The following PIGA variants were observed in gnomAD, a reference collection of about 807,000 sequenced individuals.
PIGA encodes phosphatidylinositol N-acetylglucosaminyltransferase subunit A.
Under a neutral mutation model 17.1 loss-of-function variants are expected in PIGA, and 3 were observed. That is an observed-to-expected ratio of 0.18 (90% CI 0.08 to 0.45). PIGA has a LOEUF of 0.45. PIGA is among the 20% of genes least tolerant of loss of function. The pLI is 0.99. For missense variants in PIGA, 231 were observed against 374.1 expected, an observed-to-expected ratio of 0.62 and a Z score of 3.16; for synonymous variants, 126 against 135.1, an observed-to-expected ratio of 0.93 and a Z score of 0.47.
rs185641569 is a variant in PIGA, at chrX:15,332,325, C to T, written c.-62-333G>A. 1.7e-3 allele frequency among the ~76,000 whole-genome samples: 192 copies of T among 112,097 alleles called. 1 individual carries two copies. The highest frequency in any genetic ancestry group is 5.9e-3 in the African/African-American group (183 of 30,853). ...AAGTATATATACACACATACATACACACATTTATATATTTCCCCTTTACTC... is the reference window on the plus strand; with the variant it reads ...AAGTATATATACACACATACATACATACATTTATATATTTCCCCTTTACTC... On this transcript the variant is annotated intron_variant, in intron 1 of 5. Transcript: ENST00000333590.
At position 15,331,652 on chromosome X, in the gene PIGA, A is replaced by G; in HGVS notation, c.279T>C (p.Pro93=). ...TAGACTGGTTGTACATGACTTTCAG[A>G]GGCAAGTAATAGACTTTGAGGCCAC... ...LTSGLKVYYL[P]LKVMYNQSTA... The change falls in exon 2 of 6, where the codon CCT becomes CCC. Residue 93 remains proline, a synonymous_variant. Transcript: ENST00000333590. The G allele has an allele frequency of 8.3e-7, 1 of 1,211,696 alleles. No individual in the cohort carries two copies. The highest frequency in any genetic ancestry group is 1.1e-6 in the Non-Finnish European group (1 of 895,217).
chrX:15,321,867 TA>T (rs1432506268), intron 5 of PIGA, 95 bp from the exon 6 acceptor site: 2 of 827,878 alleles, frequency 2.4e-6, no homozygotes, highest in East Asian at 6.3e-5. Context: ...GAACATTTTA[TA>T]AACAAATACA....
At position 15,325,172 on chromosome X, in the gene PIGA, G is replaced by A. The variant is rs767474092; in HGVS notation, c.849-20C>T. On this transcript the variant is annotated intron_variant, in intron 3 of 5. Coordinates refer to ENST00000333590, the MANE Select transcript of PIGA (RefSeq NM_002641.4). ...CGCACCCTGATTTTTTAAATGAGAG[G>A]GGAAGAAAGGAGTGAAAACTCATGC... 45 of 1,150,729 alleles carry A rather than the reference G, an allele frequency of 3.9e-5. No homozygotes were observed. The South Asian group carries it at 8.6e-4, about 22-fold the overall frequency. The allele number at this position is 1,150,729 out of a possible 1,213,427, so 94.8% of individuals were successfully genotyped here. A position where few individuals can be genotyped will look rare whatever the true frequency, so the allele number is the denominator to read the frequency against.
Position 15,322,211 on chromosome X carries a change from A to AT in PIGA, c.1189-440dup, listed in dbSNP as rs752522903. Among the ~76,000 whole-genome samples the AT allele has an allele frequency of 1.3e-3, 150 of 111,528 alleles. 1 individual carries two copies. The highest frequency in any genetic ancestry group is 4.8e-3 in the African/African-American group (147 of 30,755). On this transcript the variant is annotated intron_variant, in intron 5 of 5. Transcript: ENST00000333590. Reference sequence around the variant, plus strand: ...TTGAAGATTCCTTGACTAAGCTGAGATGCTCTCACCGGCATCTGGCAGACA... The same window carrying AT: ...TTGAAGATTCCTTGACTAAGCTGAGATTGCTCTCACCGGCATCTGGCAGACA...
intron 5 of PIGA, among the ~76,000 whole-genome samples, chrX:15,322,025 G>C (rs1921834374): frequency 9.0e-6 from 1 of 111,700 alleles, no homozygotes; most frequent in Non-Finnish European, 1.9e-5. Flanking sequence ...GTGATACAAA[G>C]AATAAGCCAC....
In PIGA at chrX:15,321,653, G is replaced by C; in HGVS notation, c.1308C>G (p.Phe436Leu). The change falls in exon 6 of 6, where the codon TTC becomes TTG. Residue 436 changes from phenylalanine to leucine, a missense_variant. Transcript: ENST00000333590. ...TCCATCTCAAGAAAATGAGGAAGAGGAAGTTGAAAACTGCCAACAAAGCAA... is the reference window on the plus strand; with the variant it reads ...TCCATCTCAAGAAAATGAGGAAGAGCAAGTTGAAAACTGCCAACAAAGCAA... ...YIFALLAVFN[F>L]LFLIFLRWMT... is the part of the protein sequence containing the mutation. The C allele has an allele frequency of 1.7e-6, 2 of 1,210,635 alleles. No individual in the cohort carries two copies. The highest frequency in any genetic ancestry group is 1.1e-6 in the Non-Finnish European group (1 of 894,432).
intron 1 of PIGA, 27 bp downstream of exon 1, chrX:15,335,474 G>C (rs1366728498): frequency 1.0e-6 from 1 of 988,809 alleles, no homozygotes; most frequent in African/African-American, 2.0e-5. Flanking sequence ...CAGAGCGCTG[G>C]AGAGGGGCGG....
In PIGA at chrX:15,331,272, A is replaced by G. The variant is rs750365775; in HGVS notation, c.659T>C (p.Phe220Ser). 5.8e-6 allele frequency: 7 copies of G among 1,204,964 alleles called. No individual in the cohort carries two copies. The South Asian group carries it at 1.2e-4, about 21-fold the overall frequency. Residue 220 changes from phenylalanine to serine, a missense_variant, in exon 2 of 6, where the codon TTT becomes TCT. Physicochemically the swap from Phe to Ser is radical, Grantham distance 155. Coordinates refer to ENST00000333590, the MANE Select transcript of PIGA (RefSeq NM_002641.4). Reference protein sequence around the residue: ...VDPTDFTPDPFRRHDSITIVV... With the variant: ...VDPTDFTPDPSRRHDSITIVV... ...AATAGTTATACTATCATGCCTTCTA[A>G]ATGGGTCTGGAGTGAAGTCAGTAGG...
At chrX:15,329,666 T>C (rs918031792) in intron 2 of PIGA, among the ~76,000 whole-genome samples, 1 of 111,708 alleles carries the variant, frequency 9.0e-6, no homozygotes, top group Non-Finnish European at 1.9e-5. Context: ...TTTTGATTAG[T>C]GGACAGGTTT....
At position 15,335,518 on chromosome X, in the gene PIGA, G is replaced by A. The variant is rs1200648727; in HGVS notation, c.-80C>T. 4.1e-6 allele frequency: 4 copies of A among 975,056 alleles called. No homozygotes were observed. Among genetic ancestry groups the A allele is most frequent in the African/African-American group, 2.0e-5 (1 of 49,923 alleles). The allele number at this position is 975,056 out of a possible 1,213,427, so 80.4% of individuals were successfully genotyped here. ...GCACTCACCGGTGAGTTCCATGGCC[G>A]CCAGTGTCCGGACCTCCCGCGGCTG... On this transcript the variant is annotated 5_prime_UTR_variant, in exon 1 of 6. Transcript: ENST00000333590.
chrX:15,323,741 A>G lies in PIGA; in HGVS notation c.1188+924T>C, dbSNP rs1232395594. ...AAACCAAGTAAGAAAGCCTTACAGTAAAGAGCTATTCTCCTCAGCTCCAAC... is the reference window on the plus strand; with the variant it reads ...AAACCAAGTAAGAAAGCCTTACAGTGAAGAGCTATTCTCCTCAGCTCCAAC... On this transcript the variant is annotated intron_variant, in intron 5 of 5. Transcript: ENST00000333590. Among the ~76,000 whole-genome samples the G allele has an allele frequency of 3.6e-5, 4 of 112,166 alleles. No homozygotes were observed. The South Asian group carries it at 1.5e-3, about 41-fold the overall frequency.
At chrX:15,333,151 G>T (rs1399022951) in intron 1 of PIGA, among the ~76,000 whole-genome samples, 1 of 111,715 alleles carries the variant, frequency 9.0e-6, no homozygotes, top group Admixed American at 9.5e-5. Flanking sequence ...AGCTACAACA[G>T]AGACCATATG....
chrX:15,332,306 A>G lies in PIGA; in HGVS notation c.-62-314T>C, dbSNP rs149972103. 3.7e-3 allele frequency among the ~76,000 whole-genome samples: 412 copies of G among 112,227 alleles called. 7 individuals are homozygous for G. In the Middle Eastern group the frequency reaches 0.05, roughly 14 times the overall value. On this transcript the variant is annotated intron_variant, in intron 1 of 5. Coordinates refer to ENST00000333590, the MANE Select transcript of PIGA (RefSeq NM_002641.4). ...CCAGTCTCTTCCAATAATTAAGTATATATACACACATACATACACACATTT... is the reference window on the plus strand; with the variant it reads ...CCAGTCTCTTCCAATAATTAAGTATGTATACACACATACATACACACATTT...
rs1419267139 is a variant in PIGA, at chrX:15,325,091, T to C, written c.910A>G (p.Ile304Val). 1 of 1,206,749 alleles carries C rather than the reference T, an allele frequency of 8.3e-7. No individual in the cohort carries two copies. Among genetic ancestry groups the C allele is most frequent in the African/African-American group, 1.7e-5 (1 of 57,685 alleles). ...TCAGTAAGGGAGGTATTCAGAAAAA[T>C]ATGTCCTTGAACTAAGACATTTCTA... ...DVRNVLVQGH[I>V]FLNTSLTEAF... Residue 304 changes from isoleucine to valine, a missense_variant, in exon 4 of 6, where the codon ATT (isoleucine) becomes GTT (valine). Physicochemically the swap from Ile to Val is conservative, Grantham distance 29. Coordinates refer to ENST00000333590, the MANE Select transcript of PIGA (RefSeq NM_002641.4).
chrX:15,334,213 C>T (rs1262477763), intron 1 of PIGA, among the ~76,000 whole-genome samples: 1 of 79,041 alleles, frequency 1.3e-5, no homozygotes, highest in Admixed American at 1.6e-4. Flanking sequence ...TTTTTTGAGA[C>T]GGAGTCTCAC....
intron 2 of PIGA, chrX:15,327,128 G>C: frequency 9.2e-6 from 1 of 109,237 alleles, no homozygotes; most frequent in East Asian, 2.9e-4. Flanking sequence ...GCGTAGTGGC[G>C]GGCGCCTGTA....
chrX:15,334,489 C>G (rs1922272023), intron 1 of PIGA, among the ~76,000 whole-genome samples: 1 of 111,038 alleles, frequency 9.0e-6, no homozygotes, highest in Admixed American at 9.5e-5. Context: ...CGTGCCCGGC[C>G]TCATCTACAT....
At chrX:15,323,216 AC>A (rs1236328482) in intron 5 of PIGA, among the ~76,000 whole-genome samples, 3 of 111,681 alleles carry the variant, frequency 2.7e-5, no homozygotes, top group South Asian at 3.7e-4. Context: ...TTAACTTATT[AC>A]CTACAGTGGC....
chrX:15,323,021 G>A (rs1017743781), intron 5 of PIGA, among the ~76,000 whole-genome samples: 9 of 111,652 alleles, frequency 8.1e-5, no homozygotes, highest in African/African-American at 2.0e-4. Flanking sequence ...GAATGTTAGC[G>A]ATGACAATCC....
Sources: allele counts gnomAD v4.1 joint callset (sites outside exome capture counted in the v4.1 genomes callset), GRCh38; gene constraint gnomAD v4.1.1; transcripts MANE v1.5; gene names NCBI Gene and HGNC (gene_info 2026-07-23, HGNC 2026-07-21).